MAF1: variants seen among roughly 807,000 people sequenced by gnomAD.
The protein encoded by MAF1 is MAF1 negative regulator of RNA polymerase III.
A neutral mutation model predicts 31.9 loss-of-function variants in MAF1; 7 were observed. That is an observed-to-expected ratio of 0.22 (90% CI 0.12 to 0.41). MAF1 has a LOEUF of 0.41. Ranked by LOEUF, MAF1 falls within the 10% of genes least tolerant of loss-of-function variation. The pLI is 1.00. For synonymous variants in MAF1, 157 were observed against 120.0 expected (o/e 1.31, Z -2.02); for missense variants, 221 against 323.1 (o/e 0.68, Z 2.42).
rs1836400193 is a variant in MAF1 at position 144,105,781 on chromosome 8, G to C, written c.83+15G>C. ...ATCATTGGCAGGTGAGGCAGGCTGG[G>C]GGGGCTGGCATCTCGGAGGTCACAC... On this transcript the variant is annotated intron_variant, in intron 2 of 7. Coordinates refer to ENST00000322428, the MANE Select transcript of MAF1 (RefSeq NM_032272.5). The C allele has an allele frequency of 6.2e-7, 1 of 1,612,714 alleles. No homozygotes were observed. The highest frequency in any genetic ancestry group is 1.7e-5 in the Admixed American group (1 of 60,008).
rs1278130904 is a variant in MAF1 at position 144,107,268 on chromosome 8, A to C, written c.*159A>C. 2 of 906,754 alleles carry C rather than the reference A, an allele frequency of 2.2e-6. No individual in the cohort carries two copies. The highest frequency in any genetic ancestry group is 1.5e-5 in the South Asian group (1 of 67,818). The allele number at this position is 906,754 out of a possible 1,614,324, so 56.2% of individuals were successfully genotyped here. A position where few individuals can be genotyped will look rare whatever the true frequency, so the allele number is the denominator to read the frequency against. ...CATACCTGCCTAGCCCTTTGGCTCC[A>C]TCCTGTGGATGCCCACTCACCCCTC... On this transcript the variant is annotated 3_prime_UTR_variant, in exon 8 of 8. Coordinates refer to ENST00000322428, the MANE Select transcript of MAF1 (RefSeq NM_032272.5).
Position 144,106,405 on chromosome 8 carries a change from A to G in MAF1, c.441A>G (p.Lys147=). 4 of 1,613,958 alleles carry G rather than the reference A, an allele frequency of 2.5e-6. No homozygotes were observed. Among genetic ancestry groups the G allele is most frequent in the Non-Finnish European group, 3.4e-6 (4 of 1,180,020 alleles). Residue 147 remains lysine, a synonymous_variant, in exon 5 of 8, where the codon AAA becomes AAG. Transcript: ENST00000322428. The part of the protein sequence containing the change: ...SAVREDFKDL[K]PQLWNAVDEE... Reference sequence around the variant, plus strand: ...TGCGGGAGGACTTCAAGGATCTGAAACCACAGCTGTGGAACGCGGTGGACG... The same window carrying G: ...TGCGGGAGGACTTCAAGGATCTGAAGCCACAGCTGTGGAACGCGGTGGACG...
At chr8:144,105,238 G>A (rs1338675673) in intron 1 of MAF1, 1 of 171,814 alleles carries the variant, frequency 5.8e-6, no homozygotes, top group Non-Finnish European at 1.3e-5. Context: ...CCAGCCTGAG[G>A]GAGACTGCAG....
In MAF1 at chr8:144,105,980, A is replaced by G; in HGVS notation, c.195A>G (p.Ser65=). The change falls in exon 3 of 8, where the codon TCA becomes TCG. Residue 65 remains serine, a synonymous_variant. Coordinates refer to ENST00000322428, the MANE Select transcript of MAF1 (RefSeq NM_032272.5). The part of the protein sequence containing the change: ...VLEALSPPQT[S]GLSPSRLSKS... ...AGGCACTTTCTCCACCCCAGACTTCAGGACTGAGCCCCAGCAGGTGAGCCA... is the reference window on the plus strand; with the variant it reads ...AGGCACTTTCTCCACCCCAGACTTCGGGACTGAGCCCCAGCAGGTGAGCCA... 1 of 1,613,342 alleles carries G rather than the reference A, an allele frequency of 6.2e-7. No individual in the cohort carries two copies. Among genetic ancestry groups the G allele is most frequent in the South Asian group, 1.1e-5 (1 of 91,076 alleles).
Position 144,107,546 on chromosome 8 carries a change from G to A in MAF1, c.*437G>A. ...ACCTGTACCCCCACCTCGCCCATTT[G>A]GCCGCGTGCACTGAGTGTCACTTTG... On this transcript the variant is annotated 3_prime_UTR_variant, in exon 8 of 8. Coordinates refer to ENST00000322428, the MANE Select transcript of MAF1 (RefSeq NM_032272.5). 1 of 605,916 alleles carries A rather than the reference G, an allele frequency of 1.7e-6. No individual in the cohort carries two copies. Among genetic ancestry groups the A allele is most frequent in the Non-Finnish European group, 3.0e-6 (1 of 336,098 alleles). The allele number at this position is 605,916 out of a possible 1,614,324, so 37.5% of individuals were successfully genotyped here. A position where few individuals can be genotyped will look rare whatever the true frequency, so the allele number is the denominator to read the frequency against.
chr8:144,107,547 G>A lies in MAF1; in HGVS notation c.*438G>A. On this transcript the variant is annotated 3_prime_UTR_variant, in exon 8 of 8. Coordinates refer to ENST00000322428, the MANE Select transcript of MAF1 (RefSeq NM_032272.5). The stretch of plus-strand genomic sequence containing the variant: ...CCTGTACCCCCACCTCGCCCATTTG[G>A]CCGCGTGCACTGAGTGTCACTTTGC... 5 of 605,960 alleles carry A rather than the reference G, an allele frequency of 8.3e-6. No individual in the cohort carries two copies. Among genetic ancestry groups the A allele is most frequent in the Non-Finnish European group, 1.2e-5 (4 of 336,004 alleles). 37.5% of individuals were successfully genotyped at this position (605,960 alleles called of 1,614,324 possible).
chr8:144,105,435 C>T lies in MAF1; in HGVS notation c.-44-205C>T, dbSNP rs558294828. ...GTGTTCTGCAGGGGGTATGGCTGAC[C>T]TGGAGCCTGGACTTACCACCCTCAG... On this transcript the variant is annotated intron_variant, in intron 1 of 7. Coordinates refer to ENST00000322428, the MANE Select transcript of MAF1 (RefSeq NM_032272.5). 2.5e-5 allele frequency: 14 copies of T among 554,538 alleles called. No homozygotes were observed. The South Asian group carries it at 2.9e-4, about 12-fold the overall frequency. The allele number at this position is 554,538 out of a possible 1,614,324, so 34.4% of individuals were successfully genotyped here.
chr8:144,106,812 C>T (rs751395800), intron 6 of MAF1, 23 bp from the exon 7 acceptor site: 1 of 1,536,818 alleles, frequency 6.5e-7, no homozygotes, highest in East Asian at 2.3e-5. Context: ...GGTCCTGAAA[C>T]TGGTTTCCCT....
chr8:144,107,580 C>T lies in MAF1; in HGVS notation c.*471C>T, dbSNP rs1297515378. The T allele has an allele frequency of 1.2e-5, 7 of 590,824 alleles. No homozygotes were observed. The highest frequency in any genetic ancestry group is 5.0e-5 in the Admixed American group (2 of 39,686). The allele number at this position is 590,824 out of a possible 1,614,324, so 36.6% of individuals were successfully genotyped here. A position where few individuals can be genotyped will look rare whatever the true frequency, so the allele number is the denominator to read the frequency against. ...CACTGAGTGTCACTTTGCTGCAGCT[C>T]GTTTCTTTCCAATAAAAGTTTCTGT... On this transcript the variant is annotated 3_prime_UTR_variant, in exon 8 of 8. Coordinates refer to ENST00000322428, the MANE Select transcript of MAF1 (RefSeq NM_032272.5).
At position 144,104,511 on chromosome 8, in the gene MAF1, G is replaced by T. The variant is rs552537225; in HGVS notation, c.-392G>T. The T allele has an allele frequency of 5.3e-5, 8 of 152,178 alleles. No homozygotes were observed. Among genetic ancestry groups the T allele is most frequent in the African/African-American group, 1.7e-4 (7 of 41,426 alleles). The allele number at this position is 152,178 out of a possible 1,614,324, so 9.4% of individuals were successfully genotyped here. ...GCGGACGCTTGTTGTTGTCCGGCCG[G>T]GGGAGGCGGAGGTCGCTCGCTCGCT... On this transcript the variant is annotated 5_prime_UTR_variant, in exon 1 of 8. Coordinates refer to ENST00000322428, the MANE Select transcript of MAF1 (RefSeq NM_032272.5).
chr8:144,106,895 G>A lies in MAF1; in HGVS notation c.681G>A (p.Glu227=), dbSNP rs57433624. ...AGCTGGACATGGAGCTGGGGGAGGA[G>A]GAGGTGGAGGAAGAAAGCAGAAGCG... The part of the protein sequence containing the change: ...GNELDMELGE[E]EVEEESRSGG... Residue 227 remains glutamate (E), a synonymous_variant, in exon 7 of 8, where the codon GAG becomes GAA. Coordinates refer to ENST00000322428, the MANE Select transcript of MAF1 (RefSeq NM_032272.5). The A allele has an allele frequency of 8.0e-3, 12,312 of 1,531,274 alleles. 719 individuals carry two copies. The African/African-American group carries it at 0.14, about 17-fold the overall frequency. The allele number at this position is 1,531,274 out of a possible 1,614,324, so 94.9% of individuals were successfully genotyped here.
At position 144,107,381 on chromosome 8, in the gene MAF1, G is replaced by A. The variant is rs1306206662; in HGVS notation, c.*272G>A. 2.7e-5 allele frequency: 16 copies of A among 596,078 alleles called. No homozygotes were observed. The Admixed American group carries it at 4.7e-4, about 18-fold the overall frequency. The allele number at this position is 596,078 out of a possible 1,614,324, so 36.9% of individuals were successfully genotyped here. Reference sequence around the variant, plus strand: ...TGCCCTGCCCAAATGAACTGCCACAGCAGGGACAGCTGGACCGCAGAGTTT... The same window carrying A: ...TGCCCTGCCCAAATGAACTGCCACAACAGGGACAGCTGGACCGCAGAGTTT... On this transcript the variant is annotated 3_prime_UTR_variant, in exon 8 of 8. Transcript: ENST00000322428.
chr8:144,107,035 C>CT, intron 7 of MAF1, 53 bp from the exon 8 acceptor site: 1 of 1,562,996 alleles, frequency 6.4e-7, no homozygotes, highest in Non-Finnish European at 8.7e-7. Context: ...GCCTCCTCTA[C>CT]TTGGTCTAAG....
chr8:144,106,585 C>T lies in MAF1; in HGVS notation c.531C>T (p.Phe177=), dbSNP rs147311762. The T allele has an allele frequency of 1.3e-5, 21 of 1,613,824 alleles. No homozygotes were observed. In the Admixed American group the frequency reaches 2.3e-4, roughly 18 times the overall value. ...SYNPDLDSDP[F]GEDGSLWSFN... ...ACCCAGACTTGGACTCAGATCCCTT[C>T]GGGGAGGATGGTAGCCTCTGGTCCT... Residue 177 remains phenylalanine, a synonymous_variant, in exon 6 of 8, where the codon TTC becomes TTT. Coordinates refer to ENST00000322428, the MANE Select transcript of MAF1 (RefSeq NM_032272.5).
At position 144,106,436 on chromosome 8, in the gene MAF1, A is replaced by T; in HGVS notation, c.472A>T (p.Ile158Phe). 1 of 1,613,926 alleles carries T rather than the reference A, an allele frequency of 6.2e-7. No homozygotes were observed. Among genetic ancestry groups the T allele is most frequent in the Non-Finnish European group, 8.5e-7 (1 of 1,179,998 alleles). ...PQLWNAVDEE[I>F]CLAECDIYSY... ...GCTGTGGAACGCGGTGGACGAGGAG[A>T]TCTGCCTGGCTGAATGTGACATCTA... Residue 158 changes from isoleucine (I) to phenylalanine (F), a missense_variant, in exon 5 of 8, where the codon ATC becomes TTC. By Grantham distance (21) the Ile-to-Phe change is conservative. This residue lies in a region of MAF1 where 146 missense variants were observed against 263.1 expected (regional missense o/e 0.56). Transcript: ENST00000322428.
Position 144,106,116 on chromosome 8 carries a change from A to G in MAF1, c.253A>G (p.Ser85Gly), listed in dbSNP as rs764837171. The G allele has an allele frequency of 1.7e-5, 27 of 1,613,582 alleles. No individual in the cohort carries two copies. Among genetic ancestry groups the G allele is most frequent in the Non-Finnish European group, 2.1e-5 (25 of 1,180,020 alleles). ...AGGCGGTGAGGAGGAGGGCCCCCTC[A>G]GTGACAAGTGCAGCCGCAAGACCCT... ...SQGGEEEGPLSDKCSRKTLFY... is the reference protein window; with the variant it reads ...SQGGEEEGPLGDKCSRKTLFY... Residue 85 changes from serine (S) to glycine (G), a missense_variant, in exon 4 of 8, where the codon AGT (serine) becomes GGT (glycine). Transcript: ENST00000322428.
chr8:144,106,206 A>G lies in MAF1; in HGVS notation c.343A>G (p.Ser115Gly). Residue 115 changes from serine to glycine, a missense_variant, in exon 4 of 8, where the codon AGC becomes GGC. Physicochemically the swap from Ser to Gly is moderately conservative, Grantham distance 56 (BLOSUM62 0). Around this residue, in one of 2 missense-constraint regions of MAF1, gnomAD observed 146 missense variants for 263.1 expected, o/e 0.56. Transcript: ENST00000322428. Reference sequence around the variant, plus strand: ...TGACTATGACTTCAGCACAGCCCGCAGCCATGAGTTCAGCCGGGAGCCCAG... The same window carrying G: ...TGACTATGACTTCAGCACAGCCCGCGGCCATGAGTTCAGCCGGGAGCCCAG... The part of the protein sequence containing the change: ...RPDYDFSTAR[S>G]HEFSREPSLS... 1 of 1,613,794 alleles carries G rather than the reference A, an allele frequency of 6.2e-7. No homozygotes were observed. Among genetic ancestry groups the G allele is most frequent in the Non-Finnish European group, 8.5e-7 (1 of 1,180,020 alleles).
intron 2 of MAF1, 35 bp from the exon 3 acceptor site, chr8:144,105,834 G>A (rs1288282439): frequency 5.6e-6 from 9 of 1,612,792 alleles, no homozygotes; most frequent in Non-Finnish European, 6.8e-6. Flanking sequence ...GAACCTGGGG[G>A]AAGCATGCTT....
chr8:144,105,402 G>C (rs1836392071), intron 1 of MAF1: 1 of 483,006 alleles, frequency 2.1e-6, no homozygotes, highest in Admixed American at 3.3e-5. Flanking sequence ...TCTAGTCCCA[G>C]AACTCGCGTG....
Sources: gnomAD v4.1 joint callset for allele counts on GRCh38, gnomAD v4.1.1 for gene constraint, gnomAD v4.1.1 regional missense constraint, MANE v1.5 for transcripts, NCBI Gene and HGNC (gene_info 2026-07-23, HGNC 2026-07-21) for gene names.